The following CD84 variants were observed in gnomAD, a reference collection of about 807,000 sequenced individuals.
The protein encoded by CD84 is CD84 molecule.
CD84 carries 22 observed loss-of-function variants against 33.8 expected under a neutral mutation model. The observed-to-expected ratio is 0.65, with a 90% CI of 0.46 to 0.93. The LOEUF is 0.93. Ranked by LOEUF, CD84 falls within the 40% of genes least tolerant of loss-of-function variation. The pLI is 0.00. For synonymous variants in CD84, 154 were observed against 145.2 expected (o/e 1.06, Z -0.44); for missense variants, 400 against 397.6 (o/e 1.01, Z -0.05).
chr1:160,568,891 G>A (rs1276753144), intron 1 of CD84, among the ~76,000 whole-genome samples: 22 of 152,176 alleles, frequency 1.4e-4, no homozygotes. Context: ...AAAATGCTGG[G>A]ATTACAGGTC....
intron 2 of CD84, among the ~76,000 whole-genome samples, chr1:160,558,573 C>G (rs1026457752): frequency 6.6e-6 from 1 of 152,138 alleles, no homozygotes; most frequent in Non-Finnish European, 1.5e-5. Flanking sequence ...AGCCAGGATG[C>G]CTCTTCTTCT....
At position 160,542,330 on chromosome 1, in the gene CD84, TA is replaced by T. The variant is rs1463448217; in HGVS notation, c.*5925del. 6.6e-6 allele frequency: 1 copy of T among 152,208 alleles called. No homozygotes were observed. The highest frequency in any genetic ancestry group is 1.5e-5 in the Non-Finnish European group (1 of 68,030). 9.4% of individuals were successfully genotyped at this position (152,208 alleles called of 1,614,324 possible). On this transcript the variant is annotated 3_prime_UTR_variant, in exon 7 of 7. Transcript: ENST00000368054. The stretch of plus-strand genomic sequence containing the variant: ...GGAATAGTACATAGTAGGCACTGGA[TA>T]AATGTTAATTATTTTGATTATGGTG...
intron 3 of CD84, 35 bp downstream of exon 3, chr1:160,553,860 G>C: frequency 1.2e-6 from 2 of 1,614,036 alleles, no homozygotes; most frequent in South Asian, 1.1e-5. Flanking sequence ...AGTGATCTCT[G>C]AGACTCACCA....
rs1655896968 is a variant in CD84, at chr1:160,547,494, G to T, written c.*762C>A. On this transcript the variant is annotated 3_prime_UTR_variant, in exon 7 of 7. Transcript: ENST00000368054. ...GTCCCAGCAGTCTCTAGACCCTGCA[G>T]AAAGAACATTTTCCAACACTCCATT... 7.2e-6 allele frequency: 2 copies of T among 279,516 alleles called. No homozygotes were observed. Among genetic ancestry groups the T allele is most frequent in the Admixed American group, 1.1e-4 (2 of 19,014 alleles). The allele number at this position is 279,516 out of a possible 1,614,324, so 17.3% of individuals were successfully genotyped here. A position where few individuals can be genotyped will look rare whatever the true frequency, so the allele number is the denominator to read the frequency against.
chr1:160,572,614 G>A (rs1400154474), intron 1 of CD84, among the ~76,000 whole-genome samples: 1 of 152,082 alleles, frequency 6.6e-6, no homozygotes, highest in East Asian at 1.9e-4. Flanking sequence ...ACCATAGGGA[G>A]TCAACAAGAG....
At chr1:160,576,128 G>A (rs941595713) in intron 1 of CD84, among the ~76,000 whole-genome samples, 1 of 152,098 alleles carries the variant, frequency 6.6e-6, no homozygotes, top group African/African-American at 2.4e-5. Flanking sequence ...TCAATGCAAG[G>A]ACTTCAGATC....
In CD84 at chr1:160,558,059, G is replaced by A. The variant is rs577062123; in HGVS notation, c.389-3913C>T. Among the ~76,000 whole-genome samples, 11 of 152,328 alleles carry A rather than the reference G, an allele frequency of 7.2e-5. No homozygotes were observed. The East Asian group carries it at 1.5e-3, about 21-fold the overall frequency. On this transcript the variant is annotated intron_variant, in intron 2 of 6. Coordinates refer to ENST00000368054, the MANE Select transcript of CD84 (RefSeq NM_003874.4). ...TCAACTCAGCTGTTCCAGCCTGCTG[G>A]CTTTGGAGAGTCCAGAGAGTCTGGA...
At chr1:160,559,910 A>G (rs1305484560) in intron 2 of CD84, among the ~76,000 whole-genome samples, 1 of 151,862 alleles carries the variant, frequency 6.6e-6, no homozygotes, top group Non-Finnish European at 1.5e-5. Flanking sequence ...GTAATGGGTA[A>G]CTACCCTTTA....
At chr1:160,562,231 A>G (rs1211813286) in intron 2 of CD84, among the ~76,000 whole-genome samples, 1 of 152,214 alleles carries the variant, frequency 6.6e-6, no homozygotes, top group Non-Finnish European at 1.5e-5. Context: ...AAACTACTTT[A>G]AAATTCATAT....
intron 2 of CD84, among the ~76,000 whole-genome samples, chr1:160,557,607 C>T (rs897791972): frequency 2.6e-5 from 4 of 152,124 alleles, no homozygotes; most frequent in African/African-American, 9.7e-5. Context: ...ACTAGTGTTG[C>T]CCAAAAGAAA....
At chr1:160,567,514 C>G (rs1432717653) in intron 1 of CD84, among the ~76,000 whole-genome samples, 2 of 152,054 alleles carry the variant, frequency 1.3e-5, no homozygotes, top group East Asian at 1.9e-4. Flanking sequence ...AATTGGGAAC[C>G]CTTATCTGCA....
chr1:160,569,532 A>G (rs973659778), intron 1 of CD84, among the ~76,000 whole-genome samples: 1 of 143,730 alleles, frequency 7.0e-6, no homozygotes, highest in African/African-American at 2.9e-5. Context: ...ACACACACAC[A>G]CACACACACG....
Position 160,541,314 on chromosome 1 carries a change from C to A in CD84, c.*6942G>T, listed in dbSNP as rs1449045140. 6.6e-6 allele frequency: 1 copy of A among 152,156 alleles called. No homozygotes were observed. The highest frequency in any genetic ancestry group is 2.4e-5 in the African/African-American group (1 of 41,436). The allele number at this position is 152,156 out of a possible 1,614,324, so 9.4% of individuals were successfully genotyped here. On this transcript the variant is annotated 3_prime_UTR_variant, in exon 7 of 7. Coordinates refer to ENST00000368054, the MANE Select transcript of CD84 (RefSeq NM_003874.4). Reference sequence around the variant, plus strand: ...GTTAGTGGCATTTGCCACTAGTGAGCATAATTTCCATGTTCAAATGAATAA... The same window carrying A: ...GTTAGTGGCATTTGCCACTAGTGAGAATAATTTCCATGTTCAAATGAATAA...
intron 4 of CD84, among the ~76,000 whole-genome samples, chr1:160,551,580 C>T (rs1237458280): frequency 6.6e-6 from 1 of 152,182 alleles, no homozygotes; most frequent in African/African-American, 2.4e-5. Context: ...CACTCTGTCA[C>T]CCACGTTGGA....
rs574761249 is a variant in CD84, at chr1:160,571,729, G to A, written c.47-5984C>T. ...GATGTCCCCAGTGGGCCTGCTCTAG[G>A]TTAGATGCTCCTGCTCATGGCCTCT... is the stretch of plus-strand genomic sequence containing the variant. On this transcript the variant is annotated intron_variant, in intron 1 of 6. Coordinates refer to ENST00000368054, the MANE Select transcript of CD84 (RefSeq NM_003874.4). Among the ~76,000 whole-genome samples, 13 of 152,262 alleles carry A rather than the reference G, an allele frequency of 8.5e-5. No homozygotes were observed. The East Asian group carries it at 2.5e-3, about 29-fold the overall frequency.
At chr1:160,559,977 G>C (rs1656846546) in intron 2 of CD84, among the ~76,000 whole-genome samples, 1 of 152,042 alleles carries the variant, frequency 6.6e-6, no homozygotes, top group African/African-American at 2.4e-5. Context: ...CAATACAGGA[G>C]CACTCAAATC....
rs1460425193 is a variant in CD84, at chr1:160,569,534, ACACACACG to A, written c.47-3797_47-3790del. ...AAATAAGATACACACACACACACAC[ACACACACG>A]CACGCACGCACGCACGCACACACAC... On this transcript the variant is annotated intron_variant, in intron 1 of 6. Transcript: ENST00000368054. Among the ~76,000 whole-genome samples the A allele has an allele frequency of 2.0e-3, 176 of 87,774 alleles. 1 individual carries two copies. Among genetic ancestry groups the A allele is most frequent in the East Asian group, 6.0e-3 (23 of 3,860 alleles). 57.6% of individuals were successfully genotyped at this position (87,774 alleles called of 152,430 possible). A position where few individuals can be genotyped will look rare whatever the true frequency, so the allele number is the denominator to read the frequency against.
Position 160,542,116 on chromosome 1 carries a change from C to A in CD84, c.*6140G>T, listed in dbSNP as rs1379013530. ...TGAAGAATAGCAGTTCTGCACCCAGCCCCTGGAGTTGAATCCTGGCTTTTC... is the reference window on the plus strand; with the variant it reads ...TGAAGAATAGCAGTTCTGCACCCAGACCCTGGAGTTGAATCCTGGCTTTTC... On this transcript the variant is annotated 3_prime_UTR_variant, in exon 7 of 7. Coordinates refer to ENST00000368054, the MANE Select transcript of CD84 (RefSeq NM_003874.4). 2 of 152,182 alleles carry A rather than the reference C, an allele frequency of 1.3e-5. No homozygotes were observed. Among genetic ancestry groups the A allele is most frequent in the Admixed American group, 1.3e-4 (2 of 15,268 alleles). The allele number at this position is 152,182 out of a possible 1,614,324, so 9.4% of individuals were successfully genotyped here.
intron 1 of CD84, among the ~76,000 whole-genome samples, chr1:160,573,342 A>G (rs1657807459): frequency 6.6e-6 from 1 of 152,112 alleles, no homozygotes; most frequent in Non-Finnish European, 1.5e-5. Context: ...CTAAAACCCC[A>G]TAATTCTCCT....
Sources: gnomAD v4.1 joint callset for allele counts (sites outside exome capture counted in the v4.1 genomes callset) on GRCh38, gnomAD v4.1.1 for gene constraint, MANE v1.5 for transcripts, NCBI Gene and HGNC (gene_info 2026-07-23, HGNC 2026-07-21) for gene names.